RASSF9: variants seen among roughly 807,000 people sequenced by gnomAD.
RASSF9 encodes the protein Ras association domain family member 9, also known as ras association domain-containing protein 9.
RASSF9 carries 18 observed loss-of-function variants against 21.4 expected under a neutral mutation model. The observed-to-expected ratio is 0.84, with a 90% confidence interval of 0.58 to 1.25. RASSF9 has a LOEUF of 1.25. RASSF9 is among the 50% of genes most tolerant of loss of function. RASSF9 has a pLI of 0.00. For missense variants in RASSF9, 480 were observed against 503.2 expected, an observed-to-expected ratio of 0.95 and a Z score of 0.44; for synonymous variants, 183 against 179.1, an observed-to-expected ratio of 1.02 and a Z score of -0.18.
At chr12:85,830,765 T>C (rs369020217) in intron 1 of RASSF9, among the ~76,000 whole-genome samples, 1 of 152,120 alleles carries the variant, frequency 6.6e-6, no homozygotes, top group African/African-American at 2.4e-5. Context: ...CATAAATACT[T>C]TGTACTTGTA....
chr12:85,828,659 T>C (rs1020984380), intron 1 of RASSF9, among the ~76,000 whole-genome samples: 9 of 152,108 alleles, frequency 5.9e-5, no homozygotes, highest in African/African-American at 2.2e-4. Flanking sequence ...AGTAACTTAG[T>C]CTATGTCTTA....
At chr12:85,817,435 G>C (rs887940835) in intron 1 of RASSF9, among the ~76,000 whole-genome samples, 3 of 151,834 alleles carry the variant, frequency 2.0e-5, no homozygotes, top group African/African-American at 7.2e-5. Flanking sequence ...TATATCTTTT[G>C]TATAATATGA....
rs1879714144 is a variant in RASSF9 at position 85,801,890 on chromosome 12, T to C, written c.*2812A>G. 1.3e-5 allele frequency: 2 copies of C among 152,152 alleles called. No homozygotes were observed. The highest frequency in any genetic ancestry group is 3.9e-4 in the East Asian group (2 of 5,182). 9.4% of individuals were successfully genotyped at this position (152,152 alleles called of 1,614,324 possible). A position where few individuals can be genotyped will look rare whatever the true frequency, so the allele number is the denominator to read the frequency against. Reference sequence around the variant, plus strand: ...TAAATATATATAGCGTAAGCCAGAATAAAAATGCTTCTTATGAGAAGTACC... The same window carrying C: ...TAAATATATATAGCGTAAGCCAGAACAAAAATGCTTCTTATGAGAAGTACC... On this transcript the variant is annotated 3_prime_UTR_variant, in exon 2 of 2. Coordinates refer to ENST00000361228, the MANE Select transcript of RASSF9 (RefSeq NM_005447.4).
chr12:85,805,254 C>T lies in RASSF9; in HGVS notation c.756G>A (p.Glu252=). 1 of 1,613,664 alleles carries T rather than the reference C, an allele frequency of 6.2e-7. No individual in the cohort carries two copies. The highest frequency in any genetic ancestry group is 1.1e-5 in the South Asian group (1 of 91,084). The change falls in exon 2 of 2, where the codon GAG becomes GAA. Residue 252 remains glutamate (E), a synonymous_variant. Coordinates refer to ENST00000361228, the MANE Select transcript of RASSF9 (RefSeq NM_005447.4). ...TCAGGTCCTCCAGAGTCTGGTTTTC[C>T]TCATACTGCAAGTCTAGATTTTGCT... The part of the protein sequence containing the change: ...EVEQNLDLQY[E]ENQTLEDLSE...
chr12:85,810,635 TA>T (rs569292983), intron 1 of RASSF9, among the ~76,000 whole-genome samples: 210 of 152,124 alleles, frequency 1.4e-3, no homozygotes, highest in Middle Eastern at 3.4e-3. Flanking sequence ...ATAAATATTT[TA>T]ACACTCGAAC....
intron 1 of RASSF9, among the ~76,000 whole-genome samples, chr12:85,824,075 C>T (rs569885070): frequency 5.9e-5 from 9 of 152,240 alleles, no homozygotes; most frequent in African/African-American, 1.4e-4. Context: ...CTAACTATTA[C>T]GACCTTGAGC....
intron 1 of RASSF9, among the ~76,000 whole-genome samples, chr12:85,808,443 C>T (rs1303915037): frequency 1.3e-5 from 2 of 151,948 alleles, no homozygotes. Flanking sequence ...TGATATTTGA[C>T]AATGTTTATA....
At chr12:85,814,163 C>T (rs184727467) in intron 1 of RASSF9, among the ~76,000 whole-genome samples, 2 of 152,124 alleles carry the variant, frequency 1.3e-5, no homozygotes, top group Admixed American at 1.3e-4. Flanking sequence ...GAGTCTTGGC[C>T]AGCTTCCCAA....
chr12:85,825,684 T>A (rs1229508429), intron 1 of RASSF9, among the ~76,000 whole-genome samples: 1 of 152,138 alleles, frequency 6.6e-6, no homozygotes, highest in Admixed American at 6.6e-5. Context: ...CTGCACTGTA[T>A]TTATTTAAAT....
chr12:85,805,987 A>T, intron 1 of RASSF9, 25 bp from the exon 2 acceptor site: 1 of 1,582,744 alleles, frequency 6.3e-7, no homozygotes, highest in Non-Finnish European at 8.6e-7. Flanking sequence ...AAAGCACATT[A>T]TATTTCTGTC....
chr12:85,835,835 A>G (rs578085912), intron 1 of RASSF9, among the ~76,000 whole-genome samples: 1 of 152,312 alleles, frequency 6.6e-6, no homozygotes, highest in South Asian at 2.1e-4. Flanking sequence ...AGGGCAACAA[A>G]AAAAGAAACT....
chr12:85,805,970 A>G lies in RASSF9; in HGVS notation c.48-8T>C, dbSNP rs1442459181. On this transcript the variant is annotated splice_polypyrimidine_tract_variant and splice_region_variant and intron_variant, in intron 1 of 1. Transcript: ENST00000361228. The stretch of plus-strand genomic sequence containing the variant: ...ATGTCTTTAGTTGGAGATCTGAAAG[A>G]AAAACAAAAGCACATTATATTTCTG... The G allele has an allele frequency of 6.3e-7, 1 of 1,596,796 alleles. No homozygotes were observed. Among genetic ancestry groups the G allele is most frequent in the South Asian group, 1.1e-5 (1 of 89,328 alleles).
chr12:85,819,301 G>T (rs1256506149), intron 1 of RASSF9, among the ~76,000 whole-genome samples: 1 of 151,694 alleles, frequency 6.6e-6, no homozygotes, highest in African/African-American at 2.4e-5. Context: ...AGCCTCCCAA[G>T]GTGCTGGGAT....
intron 1 of RASSF9, among the ~76,000 whole-genome samples, chr12:85,819,108 A>T (rs1427149798): frequency 1.3e-5 from 2 of 151,828 alleles, no homozygotes; most frequent in Admixed American, 1.3e-4. Flanking sequence ...ATGGTATTGT[A>T]AACCTACAAA....
chr12:85,805,420 A>G lies in RASSF9; in HGVS notation c.590T>C (p.Ile197Thr). ...VHLIISQDHT[I>T]HQQVKRMKEL... ...TTTCATTCTCTTGACTTGCTGATGA[A>G]TAGTATGGTCCTGGGAAATGATCAG... Residue 197 changes from isoleucine (I) to threonine (T), a missense_variant, in exon 2 of 2, where the codon ATT becomes ACT. By Grantham distance (89) the Ile-to-Thr change is moderately conservative. Transcript: ENST00000361228. 6.2e-7 allele frequency: 1 copy of G among 1,613,888 alleles called. No individual in the cohort carries two copies. The highest frequency in any genetic ancestry group is 8.5e-7 in the Non-Finnish European group (1 of 1,179,842).
intron 1 of RASSF9, among the ~76,000 whole-genome samples, chr12:85,835,654 C>T (rs1397531550): frequency 6.6e-6 from 1 of 152,184 alleles, no homozygotes; most frequent in Non-Finnish European, 1.5e-5. Context: ...GCCTCACTCT[C>T]AGGGGAGCCA....
chr12:85,832,670 A>C (rs1010494208), intron 1 of RASSF9, among the ~76,000 whole-genome samples: 2 of 151,916 alleles, frequency 1.3e-5, no homozygotes, highest in East Asian at 3.8e-4. Flanking sequence ...CGACTTTTAG[A>C]AAACACTTTC....
At chr12:85,829,957 T>C (rs367722406) in intron 1 of RASSF9, among the ~76,000 whole-genome samples, 15 of 152,188 alleles carry the variant, frequency 9.9e-5, no homozygotes, top group African/African-American at 3.4e-4. Context: ...ATTAGGAGTT[T>C]AATCTCTTAG....
rs558049227 is a variant in RASSF9 at position 85,804,686 on chromosome 12, A to T, written c.*16T>A. The stretch of plus-strand genomic sequence containing the variant: ...ACATTAAAACATGAAAGCAGGTCAG[A>T]AAGGAGCCATTGGAACTATGTTGAC... On this transcript the variant is annotated 3_prime_UTR_variant, in exon 2 of 2. Transcript: ENST00000361228. The T allele has an allele frequency of 8.3e-6, 13 of 1,557,154 alleles. No individual in the cohort carries two copies. In the South Asian group the frequency reaches 1.3e-4, roughly 16 times the overall value.
Sources: allele counts gnomAD v4.1 joint callset (sites outside exome capture counted in the v4.1 genomes callset), GRCh38; gene constraint gnomAD v4.1.1; transcripts MANE v1.5; gene names NCBI Gene and HGNC (gene_info 2026-07-23, HGNC 2026-07-21).